The following GRM1 variants were observed in gnomAD, a reference collection of about 807,000 sequenced individuals.
The protein encoded by GRM1 is metabotropic glutamate receptor 1.
GRM1 carries 33 observed loss-of-function variants against 90.9 expected under a neutral mutation model. The observed-to-expected ratio is 0.36, with a 90% CI of 0.28 to 0.49. The LOEUF (loss-of-function observed/expected upper bound fraction) is 0.49, where lower values mean the gene tolerates loss of function less well. Ranked by LOEUF, GRM1 falls within the 20% of genes least tolerant of loss-of-function variation. GRM1 has a pLI of 0.99. For synonymous variants in GRM1, 700 were observed against 613.2 expected (o/e 1.14, Z -2.09); for missense variants, 1,190 against 1,534.3 (o/e 0.78, Z 3.75).
chr6:146,190,087 A>T (rs767164971), intron 2 of GRM1, among the ~76,000 whole-genome samples: 17 of 152,160 alleles, frequency 1.1e-4, no homozygotes, highest in Non-Finnish European at 2.1e-4. Flanking sequence ...CTTGGATTCA[A>T]TTGAAGAAAT....
intron 2 of GRM1, among the ~76,000 whole-genome samples, chr6:146,257,268 A>G (rs1176504958): frequency 6.6e-6 from 1 of 152,210 alleles, no homozygotes; most frequent in Admixed American, 6.6e-5. Context: ...CAATCAGATC[A>G]TAACCTGTTT....
intron 2 of GRM1, among the ~76,000 whole-genome samples, chr6:146,208,744 A>C (rs910767316): frequency 6.6e-6 from 1 of 152,158 alleles, no homozygotes; most frequent in South Asian, 2.1e-4. Flanking sequence ...AAGAAAGATA[A>C]ATTACTGGCA....
At chr6:146,283,510 A>T (rs180732741) in intron 2 of GRM1, among the ~76,000 whole-genome samples, 36 of 152,312 alleles carry the variant, frequency 2.4e-4, no homozygotes, top group Admixed American at 3.9e-4. Context: ...TTCACCTTGC[A>T]AATTAAAACC....
intron 5 of GRM1, among the ~76,000 whole-genome samples, chr6:146,370,592 T>G (rs1775861290): frequency 6.6e-6 from 1 of 152,068 alleles, no homozygotes; most frequent in African/African-American, 2.4e-5. Flanking sequence ...TTTATTCCCA[T>G]GCATAACATC....
chr6:146,140,253 T>C (rs1243666762), intron 1 of GRM1, among the ~76,000 whole-genome samples: 1 of 150,794 alleles, frequency 6.6e-6, no homozygotes, highest in East Asian at 2.0e-4. Flanking sequence ...TTATTTTTTG[T>C]ATCCGTATTA....
At chr6:146,408,945 A>G (rs1172025859) in intron 7 of GRM1, among the ~76,000 whole-genome samples, 1 of 152,202 alleles carries the variant, frequency 6.6e-6, no homozygotes, top group Non-Finnish European at 1.5e-5. Context: ...GAATGAAGAA[A>G]ATAAGAGAAA....
At chr6:146,408,080 A>G (rs1033534) in intron 7 of GRM1, among the ~76,000 whole-genome samples, 99,229 of 151,922 alleles carry the variant, frequency 0.65, 34,659 homozygotes, top group African/African-American at 0.91. Flanking sequence ...CTAGCAGGTG[A>G]GGTCCTAGTG....
In GRM1 at chr6:146,326,980, A is replaced by G. The variant is rs924667629; in HGVS notation, c.1186+22134A>G. On this transcript the variant is annotated intron_variant, in intron 3 of 7. Transcript: ENST00000282753. ...TTTTAATTTTAGAAAAGTTTTAAAG[A>G]TTTACAGGAAAATTGTGAAAATAGA... Among the ~76,000 whole-genome samples, 17 of 152,308 alleles carry G rather than the reference A, an allele frequency of 1.1e-4. No individual in the cohort carries two copies. In the East Asian group the frequency reaches 3.3e-3, roughly 29 times the overall value.
intron 3 of GRM1, among the ~76,000 whole-genome samples, chr6:146,341,059 A>G (rs1256828429): frequency 6.6e-6 from 1 of 152,140 alleles, no homozygotes; most frequent in Non-Finnish European, 1.5e-5. Flanking sequence ...CTGTACTACC[A>G]CTGCATTTTG....
At chr6:146,032,640 T>C (rs987470264) in intron 1 of GRM1, among the ~76,000 whole-genome samples, 15 of 152,180 alleles carry the variant, frequency 9.9e-5, no homozygotes, top group Admixed American at 9.8e-4. Context: ...GTCTCTGTCG[T>C]CTGAGCACTA....
chr6:146,373,706 T>G (rs1775988819), intron 5 of GRM1, among the ~76,000 whole-genome samples: 1 of 152,198 alleles, frequency 6.6e-6, no homozygotes, highest in African/African-American at 2.4e-5. Flanking sequence ...TTTTGTATGT[T>G]GATTTTGTAT....
At chr6:146,074,252 G>T (rs1776110332) in intron 1 of GRM1, among the ~76,000 whole-genome samples, 1 of 152,150 alleles carries the variant, frequency 6.6e-6, no homozygotes, top group African/African-American at 2.4e-5. Flanking sequence ...GCAAGATTGT[G>T]CAGCCTTCAT....
At chr6:146,162,442 T>C (rs1777762366) in intron 2 of GRM1, among the ~76,000 whole-genome samples, 1 of 152,202 alleles carries the variant, frequency 6.6e-6, no homozygotes, top group South Asian at 2.1e-4. Context: ...TATTCAGATG[T>C]GGACAACTTG....
At chr6:146,350,607 C>T (rs1211727991) in intron 3 of GRM1, among the ~76,000 whole-genome samples, 6 of 151,980 alleles carry the variant, frequency 3.9e-5, no homozygotes, top group Admixed American at 3.9e-4. Context: ...CTTTTATGGT[C>T]CCAGTAAGTT....
intron 2 of GRM1, among the ~76,000 whole-genome samples, chr6:146,290,451 A>G (rs1782940410): frequency 6.6e-6 from 1 of 152,224 alleles, no homozygotes; most frequent in Admixed American, 6.5e-5. Context: ...CTGATAAACT[A>G]TTCAGTTGCA....
intron 2 of GRM1, among the ~76,000 whole-genome samples, chr6:146,259,107 A>C (rs1439883371): frequency 1.3e-5 from 2 of 152,172 alleles, no homozygotes; most frequent in Non-Finnish European, 2.9e-5. Flanking sequence ...TCACCTGGGC[A>C]TATTCATGGT....
chr6:146,206,892 G>C (rs182069458), intron 2 of GRM1, among the ~76,000 whole-genome samples: 275 of 152,178 alleles, frequency 1.8e-3, no homozygotes, highest in African/African-American at 6.2e-3. Flanking sequence ...TTATAAATAA[G>C]AACATGTGGT....
intron 2 of GRM1, among the ~76,000 whole-genome samples, chr6:146,169,467 G>A (rs2128894010): frequency 6.6e-6 from 1 of 152,246 alleles, no homozygotes; most frequent in Admixed American, 6.5e-5. Flanking sequence ...TTTCCAGTGA[G>A]TCTTTCTCCC....
chr6:146,097,460 T>C (rs1433512639), intron 1 of GRM1, among the ~76,000 whole-genome samples: 4 of 152,080 alleles, frequency 2.6e-5, no homozygotes, highest in Non-Finnish European at 5.9e-5. Context: ...TGAGGAAAAT[T>C]TGTTAAATAG....
Sources: allele counts gnomAD v4.1 joint callset (sites outside exome capture counted in the v4.1 genomes callset), GRCh38; gene constraint gnomAD v4.1.1; transcripts MANE v1.5; gene names NCBI Gene and HGNC (gene_info 2026-07-23, HGNC 2026-07-21).